The following PKD2 variants were observed in gnomAD, a reference collection of about 807,000 sequenced individuals.
The protein encoded by PKD2 is polycystin-2.
PKD2 carries 48 observed loss-of-function variants against 105.9 expected under a neutral mutation model. The observed-to-expected ratio is 0.45, with a 90% CI of 0.36 to 0.58. PKD2 has a LOEUF of 0.58. PKD2 is among the 20% of genes least tolerant of loss of function. PKD2 has a pLI of 0.00. For synonymous variants in PKD2, 464 were observed against 481.1 expected, an observed-to-expected ratio of 0.96 and a Z score of 0.46; for missense variants, 1,078 against 1,255.3, an observed-to-expected ratio of 0.86 and a Z score of 2.13.
chr4:88,020,738 G>A (rs558717696), intron 2 of PKD2, among the ~76,000 whole-genome samples: 7 of 150,578 alleles, frequency 4.6e-5, no homozygotes, highest in Non-Finnish European at 7.4e-5. Flanking sequence ...TTCACAGGCC[G>A]GAGTGCAGTG....
At position 88,077,360 on chromosome 4, in the gene PKD2, C is replaced by G. The variant is rs1721269764; in HGVS notation, c.*1666C>G. ...ACACAAAGTTCTTTATTACTACATA[C>G]TAAAGTTTGCATTCCAGGGATATTG... On this transcript the variant is annotated 3_prime_UTR_variant, in exon 15 of 15. Transcript: ENST00000237596. The G allele has an allele frequency of 6.6e-6, 1 of 152,594 alleles. No individual in the cohort carries two copies. The highest frequency in any genetic ancestry group is 6.5e-5 in the Admixed American group (1 of 15,280). The allele number at this position is 152,594 out of a possible 1,614,324, so 9.5% of individuals were successfully genotyped here.
chr4:88,037,652 A>G (rs973552923), intron 3 of PKD2, among the ~76,000 whole-genome samples: 9 of 152,176 alleles, frequency 5.9e-5, no homozygotes, highest in Non-Finnish European at 1.2e-4. Context: ...ATCATCTGAC[A>G]AGGATAGCAC....
chr4:88,074,480 G>A (rs1329744653), intron 13 of PKD2, among the ~76,000 whole-genome samples: 2 of 152,034 alleles, frequency 1.3e-5, no homozygotes, highest in East Asian at 1.9e-4. Context: ...AATGATCCGC[G>A]ATTAAGAAGC....
chr4:88,037,707 C>G (rs1727387617), intron 3 of PKD2, among the ~76,000 whole-genome samples: 1 of 152,138 alleles, frequency 6.6e-6, no homozygotes, highest in Non-Finnish European at 1.5e-5. Context: ...GCTAGTTGTA[C>G]AAACTAACAA....
At chr4:88,053,365 A>G (rs1463192184) in intron 7 of PKD2, among the ~76,000 whole-genome samples, 2 of 152,156 alleles carry the variant, frequency 1.3e-5, no homozygotes, top group African/African-American at 2.4e-5. Context: ...GGTTTATCAC[A>G]AGACATAGAC....
intron 13 of PKD2, among the ~76,000 whole-genome samples, chr4:88,073,948 A>G (rs1721132714): frequency 6.6e-6 from 1 of 152,186 alleles, no homozygotes. Context: ...ACATTTTTTA[A>G]GTTCAAAATA....
At chr4:88,020,896 T>G (rs1330989444) in intron 2 of PKD2, among the ~76,000 whole-genome samples, 1 of 152,114 alleles carries the variant, frequency 6.6e-6, no homozygotes, top group Non-Finnish European at 1.5e-5. Context: ...CTCACTTTGC[T>G]GCCTATACTG....
Position 88,046,717 on chromosome 4 carries a change from T to C in PKD2, c.1395T>C (p.Tyr465=), listed in dbSNP as rs1199709583. Residue 465 remains tyrosine, a synonymous_variant, in exon 6 of 15, where the codon TAT becomes TAC. Coordinates refer to ENST00000237596, the MANE Select transcript of PKD2 (RefSeq NM_000297.4). ...TTCAGCCTTTAAAGCTGATCCGATA[T>C]GTCACAACTTTTGATTTCTTCCTGG... is the stretch of plus-strand genomic sequence containing the variant. The part of the protein sequence containing the change: ...WQFQPLKLIR[Y]VTTFDFFLAA... 2.5e-6 allele frequency: 4 copies of C among 1,613,634 alleles called. No homozygotes were observed. In the Admixed American group the frequency reaches 5.0e-5, roughly 20 times the overall value.
Position 88,064,442 on chromosome 4 carries a change from G to T in PKD2, c.2119-932G>T, listed in dbSNP as rs142416441. Among the ~76,000 whole-genome samples, 50 of 152,154 alleles carry T rather than the reference G, an allele frequency of 3.3e-4. 1 individual carries two copies. The East Asian group carries it at 9.5e-3, about 29-fold the overall frequency. On this transcript the variant is annotated intron_variant, in intron 10 of 14. Transcript: ENST00000237596. ...CCTATACATTTATAACTGACACTAAGGGAGTGTTTAATGTTTTGATTAAAA... is the reference window on the plus strand; with the variant it reads ...CCTATACATTTATAACTGACACTAATGGAGTGTTTAATGTTTTGATTAAAA...
chr4:88,053,798 T>C (rs1486551697), intron 7 of PKD2, among the ~76,000 whole-genome samples: 2 of 151,990 alleles, frequency 1.3e-5, no homozygotes, highest in Non-Finnish European at 2.9e-5. Context: ...GCAAAAATAA[T>C]AATAGTAATA....
At chr4:88,026,993 C>G (rs1381202476) in intron 2 of PKD2, among the ~76,000 whole-genome samples, 1 of 152,206 alleles carries the variant, frequency 6.6e-6, no homozygotes, top group South Asian at 2.1e-4. Context: ...GGAAACACCT[C>G]GATGTCCAGG....
rs138375695 is a variant in PKD2, at chr4:88,075,411, C to T, written c.2671-47C>T. 1.3e-5 allele frequency: 17 copies of T among 1,332,668 alleles called. No homozygotes were observed. The African/African-American group carries it at 2.4e-4, about 19-fold the overall frequency. 82.6% of individuals were successfully genotyped at this position (1,332,668 alleles called of 1,614,324 possible). On this transcript the variant is annotated intron_variant, in intron 14 of 14. Transcript: ENST00000237596. ...TATTTGGTCCCTGGACTTCCTAAGG[C>T]ATTTCCTTCTACTGCCCCCAACACC...
At chr4:88,016,788 C>G (rs1391198088) in intron 1 of PKD2, among the ~76,000 whole-genome samples, 1 of 151,440 alleles carries the variant, frequency 6.6e-6, no homozygotes, top group Non-Finnish European at 1.5e-5. Flanking sequence ...TAGTGAGACC[C>G]CACCTCTACA....
At chr4:88,039,664 C>CAAAA (rs368041376) in intron 4 of PKD2, among the ~76,000 whole-genome samples, 14 of 97,524 alleles carry the variant, frequency 1.4e-4, no homozygotes, top group Non-Finnish European at 1.7e-4. Flanking sequence ...GACTCCCCCT[C>CAAAA]AAAAAAAAAA....
Position 88,077,506 on chromosome 4 carries a change from T to C in PKD2, c.*1812T>C, listed in dbSNP as rs1721274132. On this transcript the variant is annotated 3_prime_UTR_variant, in exon 15 of 15. Transcript: ENST00000237596. Reference sequence around the variant, plus strand: ...TGTGCCATATATCAATTATGGTCACTAGAAAGTCTCTTTATGATACTTTTT... The same window carrying C: ...TGTGCCATATATCAATTATGGTCACCAGAAAGTCTCTTTATGATACTTTTT... 6.6e-6 allele frequency: 1 copy of C among 152,666 alleles called. No individual in the cohort carries two copies. The highest frequency in any genetic ancestry group is 1.5e-5 in the Non-Finnish European group (1 of 68,038). 9.5% of individuals were successfully genotyped at this position (152,666 alleles called of 1,614,324 possible).
At chr4:88,046,911 C>T (rs1727796676) in intron 6 of PKD2, 41 bp downstream of exon 6, 2 of 1,156,538 alleles carry the variant, frequency 1.7e-6, no homozygotes, top group East Asian at 4.7e-5. Flanking sequence ...TTCTATTCTA[C>T]AAGCATGTTA....
chr4:88,058,873 A>G (rs971392957), intron 9 of PKD2, among the ~76,000 whole-genome samples: 8 of 152,114 alleles, frequency 5.3e-5, no homozygotes, highest in African/African-American at 1.2e-4. Context: ...TATATATTCA[A>G]TTGTCTACTG....
chr4:88,021,026 A>G (rs1296391462), intron 2 of PKD2, among the ~76,000 whole-genome samples: 1 of 152,204 alleles, frequency 6.6e-6, no homozygotes, highest in African/African-American at 2.4e-5. Flanking sequence ...AGAGTTTAGA[A>G]ACTTGAGATT....
chr4:88,049,655 A>T (rs563736537), intron 6 of PKD2, among the ~76,000 whole-genome samples: 53 of 152,306 alleles, frequency 3.5e-4, no homozygotes, highest in South Asian at 2.1e-3. Flanking sequence ...GCTCCACTGG[A>T]CCTTCAAACC....
Sources: allele counts gnomAD v4.1 joint callset (sites outside exome capture counted in the v4.1 genomes callset), GRCh38; gene constraint gnomAD v4.1.1; transcripts MANE v1.5; gene names NCBI Gene and HGNC (gene_info 2026-07-23, HGNC 2026-07-21).